Variants in HIVEP2 observed in about 807,000 individuals in gnomAD.
HIVEP2 encodes HIVEP zinc finger 2.
HIVEP2 carries 14 observed loss-of-function variants against 180.7 expected under a neutral mutation model. That is an observed-to-expected ratio of 0.08 (90% CI 0.05 to 0.12). The LOEUF (loss-of-function observed/expected upper bound fraction) is 0.12. HIVEP2 is among the 10% of genes least tolerant of loss of function. HIVEP2 has a pLI of 1.00. For synonymous variants in HIVEP2, 1,184 were observed against 1,136.4 expected (o/e 1.04, Z -0.84); for missense variants, 2,579 against 3,008.5 (o/e 0.86, Z 3.34).
chr6:142,915,483 T>A (rs1777527881), intron 1 of HIVEP2, among the ~76,000 whole-genome samples: 1 of 152,186 alleles, frequency 6.6e-6, no homozygotes, highest in Non-Finnish European at 1.5e-5. Context: ...TGCTGACACC[T>A]TGGCTTCACA....
At chr6:142,881,403 A>G (rs1176958894) in intron 1 of HIVEP2, among the ~76,000 whole-genome samples, 3 of 152,232 alleles carry the variant, frequency 2.0e-5, no homozygotes, top group Non-Finnish European at 2.9e-5. Context: ...CAAGTGAATT[A>G]ATTCCAAGAA....
At chr6:142,777,472 C>A (rs1028631925) in intron 3 of HIVEP2, among the ~76,000 whole-genome samples, 1 of 151,644 alleles carries the variant, frequency 6.6e-6, no homozygotes, top group Non-Finnish European at 1.5e-5. Context: ...CATAGAGAAA[C>A]CCTGTTTCTA....
At chr6:142,793,673 T>TTCTTTCTTTCTC (rs1289211652) in intron 2 of HIVEP2, among the ~76,000 whole-genome samples, 4 of 107,512 alleles carry the variant, frequency 3.7e-5, no homozygotes, top group African/African-American at 1.1e-4. Context: ...CTTTCTTTCT[T>TTCTTTCTTTCTC]TCTCTCTCTC....
intron 2 of HIVEP2, among the ~76,000 whole-genome samples, chr6:142,808,239 A>G (rs557774470): frequency 2.0e-5 from 3 of 152,344 alleles, no homozygotes; most frequent in South Asian, 4.1e-4. Flanking sequence ...TTACCTAGAC[A>G]TAAGACCCAA....
chr6:142,831,761 A>G (rs1256125465), intron 2 of HIVEP2, among the ~76,000 whole-genome samples: 1 of 152,202 alleles, frequency 6.6e-6, no homozygotes, highest in Non-Finnish European at 1.5e-5. Flanking sequence ...TTTTTGCACT[A>G]CAAAATTCAT....
chr6:142,789,546 A>T (rs1776088038), intron 2 of HIVEP2, among the ~76,000 whole-genome samples: 1 of 152,234 alleles, frequency 6.6e-6, no homozygotes. Flanking sequence ...TTTAGAAACC[A>T]TTGAATTTAA....
At position 142,753,026 on chromosome 6, in the gene HIVEP2, A is replaced by C; in HGVS notation, c.*81T>G. On this transcript the variant is annotated 3_prime_UTR_variant, in exon 10 of 10. Transcript: ENST00000367603. Reference sequence around the variant, plus strand: ...TGTAACTTAGGACAGGCATGCTATAAACTGGATTACCTCCATTTCTAGAAA... The same window carrying C: ...TGTAACTTAGGACAGGCATGCTATACACTGGATTACCTCCATTTCTAGAAA... 1 of 831,790 alleles carries C rather than the reference A, an allele frequency of 1.2e-6. No homozygotes were observed. The highest frequency in any genetic ancestry group is 1.5e-5 in the South Asian group (1 of 67,088). The allele number at this position is 831,790 out of a possible 1,614,324, so 51.5% of individuals were successfully genotyped here. A position where few individuals can be genotyped will look rare whatever the true frequency, so the allele number is the denominator to read the frequency against.
rs1227796763 is a variant in HIVEP2, at chr6:142,753,639, G to C, written c.6809C>G (p.Ser2270Cys). 5 of 1,614,186 alleles carry C rather than the reference G, an allele frequency of 3.1e-6. No individual in the cohort carries two copies. The East Asian group carries it at 1.1e-4, about 36-fold the overall frequency. The stretch of plus-strand genomic sequence containing the variant: ...AAGCACATAGGGGTCCTTGGAGAAG[G>C]ACTCCCCTGACGCGCCTTTCTTCTC... ...FEEKKGASGE[S>C]FSKDPYVLSK... The change falls in exon 10 of 10, where the codon TCC (serine) becomes TGC (cysteine). Residue 2270 changes from serine to cysteine, a missense_variant. By Grantham distance (112) the Ser-to-Cys change is moderately radical. Coordinates refer to ENST00000367603, the MANE Select transcript of HIVEP2 (RefSeq NM_006734.4).
At chr6:142,808,548 G>T (rs1231282673) in intron 2 of HIVEP2, among the ~76,000 whole-genome samples, 1 of 151,294 alleles carries the variant, frequency 6.6e-6, no homozygotes, top group Non-Finnish European at 1.5e-5. Context: ...ATGAAGAAAG[G>T]GATGGATGGA....
chr6:142,773,059 C>T lies in HIVEP2; in HGVS notation c.1680G>A (p.Leu560=), dbSNP rs772497565. 29 of 1,614,188 alleles carry T rather than the reference C, an allele frequency of 1.8e-5. No homozygotes were observed. The Admixed American group carries it at 4.5e-4, about 25-fold the overall frequency. The change falls in exon 5 of 10, where the codon TTG becomes TTA. Residue 560 remains leucine, a synonymous_variant. Transcript: ENST00000367603. ...TTTCATCAAATGAGTGACTTCCTCT[C>T]AAAGAAGGAGGAATAGTTAGATTAG... The part of the protein sequence containing the change: ...SATNLTIPPS[L]RGSHSFDERM...
At position 142,773,766 on chromosome 6, in the gene HIVEP2, C is replaced by T. The variant is rs776089555; in HGVS notation, c.973G>A (p.Val325Met). Residue 325 changes from valine (V) to methionine (M), a missense_variant, in exon 5 of 10, where the codon GTG (valine) becomes ATG (methionine). By Grantham distance (21) the Val-to-Met change is conservative (BLOSUM62 1). This residue lies in a region of HIVEP2 where 142 missense variants were observed against 135.2 expected (regional missense o/e 1.05). Transcript: ENST00000367603. ...CTTTTAGGGATAATCAAAATCGGCA[C>T]CTTCATTGGACCTCCCAATGATTCT... The part of the protein sequence containing the change: ...LEESLGGPMK[V>M]PILIIPKSGI... The T allele has an allele frequency of 2.3e-5, 37 of 1,613,880 alleles. No individual in the cohort carries two copies. The highest frequency in any genetic ancestry group is 2.6e-5 in the Non-Finnish European group (31 of 1,180,028).
At chr6:142,876,544 T>C (rs1776443310) in intron 1 of HIVEP2, among the ~76,000 whole-genome samples, 1 of 152,050 alleles carries the variant, frequency 6.6e-6, no homozygotes, top group Non-Finnish European at 1.5e-5. Flanking sequence ...TGGAGAGGAA[T>C]AGGCCATAGG....
Position 142,772,875 on chromosome 6 carries a change from A to C in HIVEP2, c.1864T>G (p.Ser622Ala). 1 of 1,614,124 alleles carries C rather than the reference A, an allele frequency of 6.2e-7. No homozygotes were observed. The highest frequency in any genetic ancestry group is 8.5e-7 in the Non-Finnish European group (1 of 1,180,022). The change falls in exon 5 of 10, where the codon TCC becomes GCC. Residue 622 changes from serine to alanine, a missense_variant. Ser to Ala is a moderately conservative substitution (Grantham distance 99). Coordinates refer to ENST00000367603, the MANE Select transcript of HIVEP2 (RefSeq NM_006734.4). The surrounding 1 kb of genome is among the most constrained non-coding windows in gnomAD (Gnocchi z 4.9). ...GRMLKGISSSSLKEKKLSPGD... is the reference protein window; with the variant it reads ...GRMLKGISSSALKEKKLSPGD... ...GGAGACAATTTCTTTTCCTTCAGGG[A>C]TGAACTGCTGATACCCTTCAACATC...
chr6:142,794,543 C>A (rs1562521948), intron 2 of HIVEP2, among the ~76,000 whole-genome samples: 1 of 152,102 alleles, frequency 6.6e-6, no homozygotes, highest in Non-Finnish European at 1.5e-5. Context: ...TGGATAGGAG[C>A]ACTAATTATT....
intron 3 of HIVEP2, among the ~76,000 whole-genome samples, chr6:142,778,695 C>T (rs1391807496): frequency 1.3e-5 from 2 of 152,004 alleles, no homozygotes; most frequent in East Asian, 1.9e-4. Context: ...ATTATTACAC[C>T]TATTTTACAG....
chr6:142,832,518 G>A (rs1306050684), intron 2 of HIVEP2, among the ~76,000 whole-genome samples: 1 of 152,154 alleles, frequency 6.6e-6, no homozygotes, highest in African/African-American at 2.4e-5. Flanking sequence ...ACCAGACTCC[G>A]ACGTCAGTAA....
chr6:142,898,952 T>C (rs1777064460), intron 1 of HIVEP2, among the ~76,000 whole-genome samples: 2 of 152,206 alleles, frequency 1.3e-5, no homozygotes. Context: ...CTGCACACCA[T>C]GTCTCCCAAA....
At chr6:142,889,602 A>G (rs1270147607) in intron 1 of HIVEP2, among the ~76,000 whole-genome samples, 1 of 152,204 alleles carries the variant, frequency 6.6e-6, no homozygotes, top group African/African-American at 2.4e-5. Flanking sequence ...TTAGGCAATT[A>G]CATAACCTCT....
intron 1 of HIVEP2, among the ~76,000 whole-genome samples, chr6:142,877,007 C>T (rs1189674318): frequency 6.6e-6 from 1 of 152,162 alleles, no homozygotes; most frequent in African/African-American, 2.4e-5. Context: ...TGAGATCGCA[C>T]CACTGCACTC....
Sources: allele counts gnomAD v4.1 joint callset (sites outside exome capture counted in the v4.1 genomes callset), GRCh38; gene constraint gnomAD v4.1.1; regional missense constraint gnomAD v4.1.1; non-coding constraint Gnocchi (gnomAD v3.1); transcripts MANE v1.5; gene names NCBI Gene and HGNC (gene_info 2026-07-23, HGNC 2026-07-21).